The following PLXNA4 variants were observed in gnomAD, a reference collection of about 807,000 sequenced individuals.
The protein encoded by PLXNA4 is plexin-A4.
In PLXNA4, 44 loss-of-function variants were observed where a neutral mutation model predicts 191.8. That is an observed-to-expected ratio of 0.23 (90% CI 0.18 to 0.29). PLXNA4 has a LOEUF of 0.29. Ranked by LOEUF, PLXNA4 falls within the 10% of genes least tolerant of loss-of-function variation. The pLI is 1.00. For synonymous variants in PLXNA4, 1,082 were observed against 1,009.5 expected, an observed-to-expected ratio of 1.07 and a Z score of -1.36; for missense variants, 1,800 against 2,488.8, an observed-to-expected ratio of 0.72 and a Z score of 5.89.
chr7:132,207,304 A>G (rs1338236045), intron 10 of PLXNA4, among the ~76,000 whole-genome samples: 1 of 152,230 alleles, frequency 6.6e-6, no homozygotes, highest in Admixed American at 6.5e-5. Flanking sequence ...AGAGAAAACC[A>G]GAGGCCAGCA....
chr7:132,148,714 G>A (rs1795507130), intron 25 of PLXNA4, 68 bp from the exon 26 acceptor site: 2 of 1,605,844 alleles, frequency 1.2e-6, no homozygotes, highest in Non-Finnish European at 1.7e-6. Flanking sequence ...TGAGGACCCT[G>A]TGTAGGTACC....
rs191618597 is a variant in PLXNA4 at position 132,388,394 on chromosome 7, C to T, written c.1372-90172G>A. 4.6e-5 allele frequency among the ~76,000 whole-genome samples: 7 copies of T among 152,208 alleles called. No individual in the cohort carries two copies. The East Asian group carries it at 1.4e-3, about 29-fold the overall frequency. On this transcript the variant is annotated intron_variant, in intron 3 of 31. Transcript: ENST00000321063. ...CAAAGTCACCCAGCCACATTGTGTCCCTGCCTGAGAGTAACAAGAAAATGC... is the reference window on the plus strand; with the variant it reads ...CAAAGTCACCCAGCCACATTGTGTCTCTGCCTGAGAGTAACAAGAAAATGC...
chr7:132,461,391 T>G (rs1414271023), intron 3 of PLXNA4, among the ~76,000 whole-genome samples: 1 of 151,996 alleles, frequency 6.6e-6, no homozygotes, highest in Non-Finnish European at 1.5e-5. Flanking sequence ...AGAAATAAGA[T>G]GACAGTGAGG....
chr7:132,168,697 C>T (rs1375679000), intron 21 of PLXNA4, 125 bp from the exon 22 acceptor site: 4 of 1,350,494 alleles, frequency 3.0e-6, no homozygotes, highest in Non-Finnish European at 3.9e-6. Context: ...GTCCACCTGG[C>T]TAATGCTGTC....
intron 2 of PLXNA4, among the ~76,000 whole-genome samples, chr7:132,584,448 G>C (rs910043355): frequency 9.2e-5 from 14 of 152,130 alleles, no homozygotes; most frequent in African/African-American, 3.1e-4. Context: ...TCAAACTTAA[G>C]ATTAGTGCAC....
intron 2 of PLXNA4, among the ~76,000 whole-genome samples, chr7:132,604,426 C>A (rs1027298226): frequency 4.6e-5 from 7 of 152,092 alleles, no homozygotes; most frequent in Admixed American, 6.5e-5. Context: ...TCATCTCTGC[C>A]CCTGGGTTCC....
At chr7:132,418,094 T>C (rs564442805) in intron 3 of PLXNA4, among the ~76,000 whole-genome samples, 18 of 152,294 alleles carry the variant, frequency 1.2e-4, no homozygotes, top group African/African-American at 4.1e-4. Context: ...CAACCCCAGC[T>C]CTTTGCTGAG....
chr7:132,149,515 C>G (rs1282680240), intron 25 of PLXNA4, among the ~76,000 whole-genome samples: 2 of 152,178 alleles, frequency 1.3e-5, no homozygotes, highest in African/African-American at 4.8e-5. Context: ...TAAACTCATG[C>G]AGCACACACA....
intron 4 of PLXNA4, among the ~76,000 whole-genome samples, chr7:132,261,162 A>G (rs928570336): frequency 5.3e-5 from 8 of 152,318 alleles, no homozygotes; most frequent in Middle Eastern, 3.4e-3. Flanking sequence ...TGACATGCCC[A>G]GGGGACATGG....
At chr7:132,296,430 T>C (rs1801081329) in intron 4 of PLXNA4, among the ~76,000 whole-genome samples, 1 of 129,486 alleles carries the variant, frequency 7.7e-6, no homozygotes, top group African/African-American at 3.3e-5. Flanking sequence ...GTTTTTTTGT[T>C]TTTAATTTCT....
chr7:132,347,551 T>C (rs1314944860), intron 3 of PLXNA4, among the ~76,000 whole-genome samples: 1 of 152,178 alleles, frequency 6.6e-6, no homozygotes, highest in African/African-American at 2.4e-5. Flanking sequence ...GAGAATAGTA[T>C]TGGCTGCCCA....
chr7:132,523,946 G>A (rs543698033), intron 1 of PLXNA4, among the ~76,000 whole-genome samples: 1 of 152,318 alleles, frequency 6.6e-6, no homozygotes, highest in Non-Finnish European at 1.5e-5. Flanking sequence ...GGGCCCACCT[G>A]GCCCAGGTTG....
intron 2 of PLXNA4, among the ~76,000 whole-genome samples, chr7:132,604,506 C>A (rs981295859): frequency 6.6e-6 from 1 of 152,132 alleles, no homozygotes; most frequent in Admixed American, 6.5e-5. Flanking sequence ...GTGCTGGTTT[C>A]GTTACATGAA....
chr7:132,449,657 C>T (rs1796043673), intron 3 of PLXNA4, among the ~76,000 whole-genome samples: 1 of 152,186 alleles, frequency 6.6e-6, no homozygotes, highest in South Asian at 2.1e-4. Context: ...TGACTGCCAC[C>T]ATTGGTCATG....
chr7:132,549,014 C>G (rs1331746624), intron 1 of PLXNA4, among the ~76,000 whole-genome samples: 1 of 152,168 alleles, frequency 6.6e-6, no homozygotes, highest in Admixed American at 6.5e-5. Flanking sequence ...CCTATATGGT[C>G]TAAAAAATGG....
At chr7:132,364,384 G>T (rs1026038173) in intron 3 of PLXNA4, among the ~76,000 whole-genome samples, 1 of 152,204 alleles carries the variant, frequency 6.6e-6, no homozygotes, top group African/African-American at 2.4e-5. Flanking sequence ...ATCAGAGCTA[G>T]CCTGCCAGAG....
chr7:132,229,819 G>A (rs1562980468), intron 5 of PLXNA4, among the ~76,000 whole-genome samples: 1 of 152,078 alleles, frequency 6.6e-6, no homozygotes, highest in Non-Finnish European at 1.5e-5. Flanking sequence ...AAGGAGATGA[G>A]GGAAGGGGGT....
intron 2 of PLXNA4, among the ~76,000 whole-genome samples, chr7:132,588,679 G>T (rs1328944341): frequency 2.6e-5 from 3 of 117,622 alleles, no homozygotes; most frequent in African/African-American, 1.0e-4. Flanking sequence ...GGGAAGGGAA[G>T]GGAGGAGGGA....
intron 1 of PLXNA4, among the ~76,000 whole-genome samples, chr7:132,572,606 G>A (rs998100873): frequency 3.9e-5 from 6 of 152,174 alleles, no homozygotes; most frequent in Admixed American, 3.9e-4. Context: ...CAGGACCCCT[G>A]CCTGCCTTTC....
Sources: allele counts gnomAD v4.1 joint callset (sites outside exome capture counted in the v4.1 genomes callset), GRCh38; gene constraint gnomAD v4.1.1; transcripts MANE v1.5; gene names NCBI Gene and HGNC (gene_info 2026-07-23, HGNC 2026-07-21).